The following SULT4A1 variants were observed in gnomAD, a reference collection of about 807,000 sequenced individuals.
The protein encoded by SULT4A1 is sulfotransferase family 4A member 1.
A neutral mutation model predicts 35.2 loss-of-function variants in SULT4A1; 11 were observed. The observed-to-expected ratio is 0.31, with a 90% CI of 0.20 to 0.52. SULT4A1 has a LOEUF of 0.52. Among genes scored for constraint, SULT4A1 ranks in the 20% least tolerant of loss-of-function variants. The pLI, the probability that SULT4A1 is intolerant of heterozygous loss-of-function variation, is 0.97. For synonymous variants in SULT4A1, 152 were observed against 151.8 expected, an observed-to-expected ratio of 1.00 and a Z score of -0.01; for missense variants, 271 against 383.7, an observed-to-expected ratio of 0.71 and a Z score of 2.45.
intron 1 of SULT4A1, among the ~76,000 whole-genome samples, chr22:43,842,738 G>A (rs948443624): frequency 1.3e-5 from 2 of 152,172 alleles, no homozygotes; most frequent in Non-Finnish European, 2.9e-5. Context: ...AGTGACAGAA[G>A]TGAGAACAGT....
At position 43,833,742 on chromosome 22, in the gene SULT4A1, G is replaced by A. The variant is rs7286471; in HGVS notation, c.509-8C>T. 1.3e-6 allele frequency: 2 copies of A among 1,560,338 alleles called. No homozygotes were observed. Among genetic ancestry groups the A allele is most frequent in the Non-Finnish European group, 1.7e-6 (2 of 1,151,682 alleles). ...ACCAGGAGCCGTAGCCCACTGCGGA[G>A]ACAGGGGACAGGGTGAGCCACACGG... On this transcript the variant is annotated splice_region_variant and splice_polypyrimidine_tract_variant and intron_variant, in intron 4 of 6. Transcript: ENST00000330884.
intron 5 of SULT4A1, among the ~76,000 whole-genome samples, chr22:43,831,176 A>C (rs1354875101): frequency 7.1e-6 from 1 of 141,708 alleles, no homozygotes; most frequent in Admixed American, 7.0e-5. Flanking sequence ...CCTGGAAGGC[A>C]GAGAAGGATG....
chr22:43,842,522 T>C (rs2063441697), intron 1 of SULT4A1, among the ~76,000 whole-genome samples: 1 of 152,190 alleles, frequency 6.6e-6, no homozygotes, highest in Non-Finnish European at 1.5e-5. Flanking sequence ...ACAGTCACCA[T>C]GGTGTACTAC....
Position 43,825,846 on chromosome 22 carries a change from A to G in SULT4A1, c.*155T>C. 1.4e-6 allele frequency: 1 copy of G among 704,394 alleles called. No homozygotes were observed. The highest frequency in any genetic ancestry group is 1.9e-5 in the South Asian group (1 of 52,558). The allele number at this position is 704,394 out of a possible 1,614,324, so 43.6% of individuals were successfully genotyped here. On this transcript the variant is annotated 3_prime_UTR_variant, in exon 7 of 7. Transcript: ENST00000330884. ...AGACAGCTGCTTTCGGTTGGGAATC[A>G]TCACACTCCCTCCGCTCACGCCGCT...
At chr22:43,842,907 C>A (rs557677176) in intron 1 of SULT4A1, among the ~76,000 whole-genome samples, 5 of 151,826 alleles carry the variant, frequency 3.3e-5, no homozygotes, top group Non-Finnish European at 7.4e-5. Context: ...TCCCCCCAGC[C>A]CTTATTACAG....
intron 1 of SULT4A1, among the ~76,000 whole-genome samples, chr22:43,847,769 G>A (rs1408135910): frequency 1.3e-5 from 2 of 152,254 alleles, no homozygotes; most frequent in Non-Finnish European, 2.9e-5. Flanking sequence ...ACAGAGCCCT[G>A]GACACTGTCC....
chr22:43,861,271 G>C (rs545408748), intron 1 of SULT4A1, among the ~76,000 whole-genome samples: 1 of 152,252 alleles, frequency 6.6e-6, no homozygotes, highest in Admixed American at 6.5e-5. Flanking sequence ...GAAACTGCCC[G>C]ACTGCTGGTC....
At chr22:43,852,061 A>G (rs928030652) in intron 1 of SULT4A1, among the ~76,000 whole-genome samples, 1 of 152,238 alleles carries the variant, frequency 6.6e-6, no homozygotes, top group Non-Finnish European at 1.5e-5. Context: ...AAGAGGAAAC[A>G]GACACCAGCG....
chr22:43,838,860 C>T lies in SULT4A1; in HGVS notation c.508+7G>A, dbSNP rs773581167. ...GTTCTAACATGCCGCCAGGCTGCAACACTCACGCTTATCATTCATAAACCT... is the reference window on the plus strand; with the variant it reads ...GTTCTAACATGCCGCCAGGCTGCAATACTCACGCTTATCATTCATAAACCT... On this transcript the variant is annotated splice_region_variant and intron_variant, in intron 4 of 6. Coordinates refer to ENST00000330884, the MANE Select transcript of SULT4A1 (RefSeq NM_014351.4). 10 of 1,613,942 alleles carry T rather than the reference C, an allele frequency of 6.2e-6. No homozygotes were observed. The highest frequency in any genetic ancestry group is 1.7e-5 in the Admixed American group (1 of 60,016).
chr22:43,845,031 G>A (rs376136457), intron 1 of SULT4A1, among the ~76,000 whole-genome samples: 3 of 152,280 alleles, frequency 2.0e-5, no homozygotes, highest in African/African-American at 7.2e-5. Context: ...GGAGAAAGGC[G>A]GCCCTCTGCG....
intron 5 of SULT4A1, among the ~76,000 whole-genome samples, chr22:43,832,599 G>A (rs2063333071): frequency 6.6e-6 from 1 of 151,376 alleles, no homozygotes; most frequent in Non-Finnish European, 1.5e-5. Context: ...CCCACCCCGG[G>A]GCTACAACGC....
intron 1 of SULT4A1, among the ~76,000 whole-genome samples, chr22:43,860,587 C>T (rs2049455199): frequency 6.6e-6 from 1 of 152,288 alleles, no homozygotes; most frequent in East Asian, 1.9e-4. Flanking sequence ...GCATTCAAAC[C>T]CAGGACTTCC....
At chr22:43,860,378 G>A (rs1250594837) in intron 1 of SULT4A1, among the ~76,000 whole-genome samples, 1 of 152,214 alleles carries the variant, frequency 6.6e-6, no homozygotes, top group Non-Finnish European at 1.5e-5. Flanking sequence ...CAGGTGTTCA[G>A]GGCTTAAAAG....
At chr22:43,842,670 G>A (rs750079005) in intron 1 of SULT4A1, among the ~76,000 whole-genome samples, 26 of 152,108 alleles carry the variant, frequency 1.7e-4, no homozygotes, top group Non-Finnish European at 2.8e-4. Context: ...GGCGCTCCAG[G>A]GTACAATCCT....
intron 5 of SULT4A1, among the ~76,000 whole-genome samples, chr22:43,833,081 G>A (rs1289305498): frequency 6.6e-6 from 1 of 152,148 alleles, no homozygotes; most frequent in East Asian, 1.9e-4. Context: ...TTTCCCATGG[G>A]CCAGGCCACA....
At chr22:43,834,204 T>G (rs371993374) in intron 4 of SULT4A1, among the ~76,000 whole-genome samples, 1 of 152,096 alleles carries the variant, frequency 6.6e-6, no homozygotes, top group South Asian at 2.1e-4. Context: ...CGAGGAACTC[T>G]CCATGGGACC....
chr22:43,826,443 G>A, intron 6 of SULT4A1: 4 of 985,294 alleles, frequency 4.1e-6, no homozygotes, highest in Non-Finnish European at 3.6e-6. Flanking sequence ...TGGGTCCCCA[G>A]CACCTAGAAC....
chr22:43,855,591 A>G (rs2049392881), intron 1 of SULT4A1, among the ~76,000 whole-genome samples: 1 of 152,108 alleles, frequency 6.6e-6, no homozygotes, highest in African/African-American at 2.4e-5. Flanking sequence ...CCACCTCTCA[A>G]TGGGCCCTCC....
At chr22:43,838,319 G>C (rs1295737920) in intron 4 of SULT4A1, among the ~76,000 whole-genome samples, 1 of 152,228 alleles carries the variant, frequency 6.6e-6, no homozygotes, top group Non-Finnish European at 1.5e-5. Context: ...TCTCGGCCCG[G>C]CTGTCCTCCT....
Sources: gnomAD v4.1 joint callset for allele counts (sites outside exome capture counted in the v4.1 genomes callset) on GRCh38, gnomAD v4.1.1 for gene constraint, MANE v1.5 for transcripts, NCBI Gene and HGNC (gene_info 2026-07-23, HGNC 2026-07-21) for gene names.